The following MTRR variants were observed in gnomAD, a reference collection of about 807,000 sequenced individuals.
The protein encoded by MTRR is 5-methyltetrahydrofolate-homocysteine methyltransferase reductase.
Under a neutral mutation model 79.2 loss-of-function variants are expected in MTRR, and 63 were observed. The observed-to-expected ratio is 0.80, with a 90% CI of 0.65 to 0.98. MTRR has a LOEUF of 0.98. MTRR is among the 50% of genes least tolerant of loss of function. The pLI is 0.00. For missense variants in MTRR, 895 were observed against 839.6 expected, an observed-to-expected ratio of 1.07 and a Z score of -0.82; for synonymous variants, 355 against 313.3, an observed-to-expected ratio of 1.13 and a Z score of -1.41.
intron 1 of MTRR, among the ~76,000 whole-genome samples, chr5:7,851,806 G>A (rs766669013): frequency 6.6e-6 from 1 of 152,008 alleles, no homozygotes; most frequent in Non-Finnish European, 1.5e-5. Flanking sequence ...CAATACCTGC[G>A]TTCCGTTTGT....
Position 7,869,216 on chromosome 5 carries a change from G to A in MTRR, c.-26+1G>A, listed in dbSNP as rs747006255. 24 of 1,606,188 alleles carry A rather than the reference G, an allele frequency of 1.5e-5. No homozygotes were observed. Among genetic ancestry groups the A allele is most frequent in the Non-Finnish European group, 1.9e-5 (23 of 1,179,748 alleles). ...TTCGTGCCCGGCTGGCGCGGCGTGG[G>A]TAAGCTGCCTGTCGGCTACGGTTCC... On this transcript the variant is annotated splice_donor_variant, in intron 1 of 14. Transcript: ENST00000440940. LOFTEE classifies it low-confidence loss of function (5UTR_SPLICE).
At chr5:7,876,950 T>A (rs560558504) in intron 4 of MTRR, among the ~76,000 whole-genome samples, 2 of 152,200 alleles carry the variant, frequency 1.3e-5, no homozygotes, top group Non-Finnish European at 2.9e-5. Context: ...CTGTTATTGT[T>A]GAACTGTAGT....
chr5:7,892,407 C>T (rs1737756225), intron 10 of MTRR, among the ~76,000 whole-genome samples: 1 of 152,148 alleles, frequency 6.6e-6, no homozygotes, highest in Non-Finnish European at 1.5e-5. Flanking sequence ...CCCATTTCTT[C>T]ACATCTTTAT....
At chr5:7,861,495 A>AT in intron 1 of MTRR, 2 of 976,074 alleles carry the variant, frequency 2.0e-6, no homozygotes, top group Non-Finnish European at 2.9e-6. Flanking sequence ...AATCATATCT[A>AT]TTTTTTTCAC....
chr5:7,853,555 G>A (rs1229821665), intron 1 of MTRR, among the ~76,000 whole-genome samples: 1 of 152,184 alleles, frequency 6.6e-6, no homozygotes, highest in Admixed American at 6.5e-5. Flanking sequence ...CAGGGAACAG[G>A]AGAGAGGGAC....
At chr5:7,857,191 T>C (rs1579518715) in intron 1 of MTRR, among the ~76,000 whole-genome samples, 1 of 152,226 alleles carries the variant, frequency 6.6e-6, no homozygotes, top group East Asian at 1.9e-4. Context: ...AGAAAGGTTA[T>C]GCAATTATTA....
chr5:7,868,192 A>T, upstream of MTRR: 4 of 359,438 alleles, frequency 1.1e-5, no homozygotes, highest in Non-Finnish European at 1.4e-5. Flanking sequence ...ACTACAAACG[A>T]GTATCTGGAA....
intron 1 of MTRR, among the ~76,000 whole-genome samples, chr5:7,855,015 T>C (rs1446623562): frequency 6.6e-6 from 1 of 152,204 alleles, no homozygotes. Context: ...AGCAGATAGA[T>C]ATAGAAACAA....
chr5:7,891,101 G>A (rs1261180653), intron 9 of MTRR, among the ~76,000 whole-genome samples: 4 of 151,954 alleles, frequency 2.6e-5, no homozygotes, highest in African/African-American at 9.7e-5. Flanking sequence ...ATTCCTAGAA[G>A]CCTTTGCTTT....
chr5:7,875,108 TACTC>T (rs1748651384), intron 3 of MTRR, 146 bp from the exon 4 acceptor site: 2 of 682,768 alleles, frequency 2.9e-6, no homozygotes, highest in Non-Finnish European at 5.2e-6. Flanking sequence ...TGCATAGAAT[TACTC>T]AAGGAAAATA....
chr5:7,868,793 G>T (rs973815452), upstream of MTRR, among the ~76,000 whole-genome samples: 1 of 152,268 alleles, frequency 6.6e-6, no homozygotes, highest in Non-Finnish European at 1.5e-5. Flanking sequence ...AAGACAGACA[G>T]ACGGGAGGCC....
chr5:7,860,579 A>T (rs1387268783), intron 1 of MTRR, among the ~76,000 whole-genome samples: 1 of 152,228 alleles, frequency 6.6e-6, no homozygotes, highest in Non-Finnish European at 1.5e-5. Context: ...ATAAGTCAAG[A>T]GATTTAAGCC....
chr5:7,861,696 C>T (rs377694398), intron 1 of MTRR: 1 of 1,584,926 alleles, frequency 6.3e-7, no homozygotes. Flanking sequence ...GATACCCTCA[C>T]AAACACTATC....
chr5:7,899,761 A>C (rs1047900390), intron 14 of MTRR, among the ~76,000 whole-genome samples, 153 bp from the exon 15 acceptor site: 1 of 152,226 alleles, frequency 6.6e-6, no homozygotes, highest in African/African-American at 2.4e-5. Flanking sequence ...TGGCCTGGGC[A>C]TGAGTGAGGC....
intron 1 of MTRR, 73 bp downstream of exon 1, chr5:7,869,288 C>T: frequency 3.2e-6 from 5 of 1,574,932 alleles, no homozygotes; most frequent in Non-Finnish European, 4.3e-6. Context: ...GAGAGGCGGC[C>T]CGGGGCGGGG....
chr5:7,892,047 TA>T (rs1048064360), intron 10 of MTRR, among the ~76,000 whole-genome samples: 11 of 151,050 alleles, frequency 7.3e-5, no homozygotes, highest in South Asian at 6.3e-4. Flanking sequence ...CTCAAAAAAA[TA>T]AAAAAAAAGA....
intron 2 of MTRR, among the ~76,000 whole-genome samples, chr5:7,871,255 C>A (rs1306735947): frequency 2.0e-5 from 3 of 152,202 alleles, no homozygotes; most frequent in Admixed American, 2.0e-4. Flanking sequence ...CTTTCCACCT[C>A]TTGAATCTCA....
intron 3 of MTRR, among the ~76,000 whole-genome samples, chr5:7,873,926 C>T (rs1218227805): frequency 2.0e-5 from 3 of 152,182 alleles, no homozygotes; most frequent in South Asian, 2.1e-4. Context: ...TCTCTAAGAA[C>T]GATTCTCCCA....
chr5:7,892,666 T>G, intron 10 of MTRR, 61 bp from the exon 11 acceptor site: 6 of 1,505,674 alleles, frequency 4.0e-6, no homozygotes, highest in Non-Finnish European at 5.5e-6. Flanking sequence ...AAGGATTGGT[T>G]TGACCCATAT....
Sources: allele counts gnomAD v4.1 joint callset (sites outside exome capture counted in the v4.1 genomes callset), GRCh38; gene constraint gnomAD v4.1.1; transcripts MANE v1.5; gene names NCBI Gene and HGNC (gene_info 2026-07-23, HGNC 2026-07-21).